The following UNC13B variants were observed in gnomAD, a reference collection of about 807,000 sequenced individuals.
The protein encoded by UNC13B is unc-13 homolog B, also known as protein unc-13 homolog B.
In UNC13B, 144 loss-of-function variants were observed where a neutral mutation model predicts 211.0. The observed-to-expected ratio is 0.68, with a 90% CI of 0.60 to 0.78. The LOEUF is 0.78. Among genes scored for constraint, UNC13B ranks in the 30% least tolerant of loss-of-function variants. UNC13B has a pLI of 0.00. For synonymous variants in UNC13B, 709 were observed against 725.8 expected, an observed-to-expected ratio of 0.98 and a Z score of 0.37; for missense variants, 1,777 against 2,002.0, an observed-to-expected ratio of 0.89 and a Z score of 2.14.
At chr9:35,261,678 A>G (rs1827281898) in intron 7 of UNC13B, among the ~76,000 whole-genome samples, 1 of 152,128 alleles carries the variant, frequency 6.6e-6, no homozygotes, top group African/African-American at 2.4e-5. Flanking sequence ...TGTTGACCAT[A>G]GTCACCCTAT....
chr9:35,193,444 C>G (rs977113274), intron 1 of UNC13B, among the ~76,000 whole-genome samples: 1 of 151,924 alleles, frequency 6.6e-6, no homozygotes, highest in African/African-American at 2.4e-5. Context: ...GTCAGGAGTT[C>G]GAGACCAGCC....
intron 7 of UNC13B, among the ~76,000 whole-genome samples, chr9:35,287,118 T>C (rs1828841563): frequency 6.6e-6 from 1 of 150,894 alleles, no homozygotes; most frequent in East Asian, 1.9e-4. Flanking sequence ...TTTCATTTCT[T>C]TTTCTTTCTT....
At position 35,243,275 on chromosome 9, in the gene UNC13B, C is replaced by G. The variant is rs1825904805; in HGVS notation, c.395-16C>G. Reference sequence around the variant, plus strand: ...TGATGTGATTTCTTTTCTTTTTCTTCTTTTTTTTATGGTAGATATCCCAGA... The same window carrying G: ...TGATGTGATTTCTTTTCTTTTTCTTGTTTTTTTTATGGTAGATATCCCAGA... On this transcript the variant is annotated splice_polypyrimidine_tract_variant and intron_variant, in intron 5 of 39. Coordinates refer to ENST00000635942, the MANE Select transcript of UNC13B (RefSeq NM_001371189.2). 1.2e-6 allele frequency: 2 copies of G among 1,608,352 alleles called. No individual in the cohort carries two copies. The highest frequency in any genetic ancestry group is 1.3e-5 in the African/African-American group (1 of 74,722).
rs1421319801 is a variant in UNC13B, at chr9:35,382,520, T to A, written c.10806+13T>A. On this transcript the variant is annotated intron_variant, in intron 21 of 39. Coordinates refer to ENST00000635942, the MANE Select transcript of UNC13B (RefSeq NM_001371189.2). ...CTCCAACTTTGGGGTAAGTATCATG[T>A]AAACACATATGTCTGCATTTGTTAC... The A allele has an allele frequency of 6.2e-7, 1 of 1,602,246 alleles. No individual in the cohort carries two copies. The highest frequency in any genetic ancestry group is 1.1e-5 in the South Asian group (1 of 87,918).
At chr9:35,183,374 T>C (rs369782733) in intron 1 of UNC13B, among the ~76,000 whole-genome samples, 41 of 76,242 alleles carry the variant, frequency 5.4e-4, no homozygotes, top group South Asian at 3.5e-3. Context: ...GCAGAGGCGC[T>C]CCTCACCTCC....
At chr9:35,178,107 C>T (rs559260101) in intron 1 of UNC13B, among the ~76,000 whole-genome samples, 8 of 152,112 alleles carry the variant, frequency 5.3e-5, no homozygotes, top group East Asian at 3.9e-4. Flanking sequence ...TGTGGAGGCA[C>T]GGTGACAGGG....
At chr9:35,182,898 ATC>A (rs1006559894) in intron 1 of UNC13B, among the ~76,000 whole-genome samples, 2 of 151,946 alleles carry the variant, frequency 1.3e-5, no homozygotes, top group South Asian at 2.1e-4. Context: ...TAACAATCTG[ATC>A]TCTCTTTCTT....
At chr9:35,204,011 G>T (rs1432097284) in intron 1 of UNC13B, among the ~76,000 whole-genome samples, 2 of 152,248 alleles carry the variant, frequency 1.3e-5, no homozygotes, top group Non-Finnish European at 2.9e-5. Flanking sequence ...TCTTGGCTAG[G>T]CCCAGGGCCT....
intron 1 of UNC13B, among the ~76,000 whole-genome samples, chr9:35,225,845 G>C (rs1824806234): frequency 6.6e-6 from 1 of 152,186 alleles, no homozygotes; most frequent in Non-Finnish European, 1.5e-5. Flanking sequence ...GGCAGTGCCA[G>C]TGGCTGACCA....
At chr9:35,263,173 G>T (rs1357545963) in intron 7 of UNC13B, among the ~76,000 whole-genome samples, 2 of 152,048 alleles carry the variant, frequency 1.3e-5, no homozygotes, top group Admixed American at 1.3e-4. Flanking sequence ...CATCACAGCA[G>T]ACAAAGATAT....
At chr9:35,174,510 G>C (rs540249449) in intron 1 of UNC13B, among the ~76,000 whole-genome samples, 1 of 151,350 alleles carries the variant, frequency 6.6e-6, no homozygotes, top group Admixed American at 6.6e-5. Context: ...ATTTTTAGTA[G>C]AGATGGGGTT....
At chr9:35,172,866 G>C (rs779215989) in intron 1 of UNC13B, among the ~76,000 whole-genome samples, 23 of 152,140 alleles carry the variant, frequency 1.5e-4, no homozygotes, top group Non-Finnish European at 2.5e-4. Context: ...TTTTTATCCT[G>C]TAAGTAGGGA....
chr9:35,237,023 C>T (rs1321453167), intron 4 of UNC13B, among the ~76,000 whole-genome samples: 2 of 152,148 alleles, frequency 1.3e-5, no homozygotes, highest in East Asian at 1.9e-4. Flanking sequence ...CAGTGCCCTT[C>T]TTCTGCATGT....
intron 7 of UNC13B, among the ~76,000 whole-genome samples, chr9:35,290,699 A>T (rs931341822): frequency 3.7e-4 from 56 of 151,522 alleles, no homozygotes; most frequent in African/African-American, 1.2e-3. Context: ...CAGAGATCTA[A>T]TTTTTCTTAT....
At chr9:35,205,407 A>T (rs1486136636) in intron 1 of UNC13B, among the ~76,000 whole-genome samples, 3 of 152,240 alleles carry the variant, frequency 2.0e-5, no homozygotes, top group African/African-American at 4.8e-5. Flanking sequence ...CATGCAATTC[A>T]TCCCTTTAAA....
intron 22 of UNC13B, chr9:35,385,367 G>A (rs1015570929): frequency 1.9e-4 from 186 of 985,264 alleles, no homozygotes; most frequent in Non-Finnish European, 2.0e-4. Flanking sequence ...TGTAATTTTC[G>A]AAGAACTCAC....
At chr9:35,170,254 C>T (rs555352105) in intron 1 of UNC13B, among the ~76,000 whole-genome samples, 196 of 152,138 alleles carry the variant, frequency 1.3e-3, no homozygotes, top group African/African-American at 4.6e-3. Context: ...CAACCTCTGC[C>T]TCCCAGGTTC....
chr9:35,265,662 G>A (rs1174634770), intron 7 of UNC13B, among the ~76,000 whole-genome samples: 1 of 152,052 alleles, frequency 6.6e-6, no homozygotes, highest in East Asian at 1.9e-4. Flanking sequence ...TATTGGCCAG[G>A]CACAGTGGCT....
chr9:35,287,492 G>A (rs533771187), intron 7 of UNC13B, among the ~76,000 whole-genome samples: 2 of 152,106 alleles, frequency 1.3e-5, no homozygotes, highest in African/African-American at 2.4e-5. Context: ...CCTCACTGAC[G>A]CTTTGGATTG....
Sources: allele counts gnomAD v4.1 joint callset (sites outside exome capture counted in the v4.1 genomes callset), GRCh38; gene constraint gnomAD v4.1.1; transcripts MANE v1.5; gene names NCBI Gene and HGNC (gene_info 2026-07-23, HGNC 2026-07-21).